Variants in KIF21A observed in about 807,000 individuals in gnomAD.
The protein encoded by KIF21A is kinesin family member 21A.
A neutral mutation model predicts 202.9 loss-of-function variants in KIF21A; 114 were observed. That is an observed-to-expected ratio of 0.56 (90% CI 0.48 to 0.66). KIF21A has a LOEUF of 0.66. KIF21A is among the 30% of genes least tolerant of loss of function. KIF21A has a pLI of 0.00. For missense variants in KIF21A, 1,677 were observed against 1,994.9 expected (o/e 0.84, Z 3.04); for synonymous variants, 667 against 670.8 (o/e 0.99, Z 0.09).
intron 1 of KIF21A, among the ~76,000 whole-genome samples, chr12:39,415,909 C>T (rs1334694573): frequency 5.3e-5 from 8 of 152,168 alleles, no homozygotes; most frequent in African/African-American, 1.9e-4. Flanking sequence ...GCATCACATC[C>T]TTTGACCACT....
intron 37 of KIF21A, among the ~76,000 whole-genome samples, chr12:39,301,215 A>G (rs1261408334): frequency 3.9e-5 from 6 of 152,224 alleles, no homozygotes; most frequent in Admixed American, 3.9e-4. Flanking sequence ...CTAAAAGTCA[A>G]AATCATCAAG....
chr12:39,331,049 A>G (rs1946463998), intron 22 of KIF21A, 138 bp from the exon 23 acceptor site: 3 of 810,484 alleles, frequency 3.7e-6, no homozygotes, highest in East Asian at 2.6e-5. Flanking sequence ...TCCTCCAGTA[A>G]CTGGCTTAGT....
intron 1 of KIF21A, among the ~76,000 whole-genome samples, chr12:39,373,935 T>C (rs532133914): frequency 1.3e-5 from 2 of 152,296 alleles, no homozygotes; most frequent in African/African-American, 4.8e-5. Context: ...GTGAAAACTT[T>C]TCCACTGGAT....
chr12:39,400,262 G>T (rs1394248814), intron 1 of KIF21A, among the ~76,000 whole-genome samples: 1 of 152,142 alleles, frequency 6.6e-6, no homozygotes, highest in Non-Finnish European at 1.5e-5. Context: ...ATACCAGAAG[G>T]GGAGAGTCTC....
At chr12:39,352,769 G>A (rs1948491483) in intron 10 of KIF21A, among the ~76,000 whole-genome samples, 1 of 152,074 alleles carries the variant, frequency 6.6e-6, no homozygotes, top group Non-Finnish European at 1.5e-5. Flanking sequence ...TTTGATAATT[G>A]AAAAAATTCT....
chr12:39,329,854 G>A (rs1946354209), intron 24 of KIF21A, among the ~76,000 whole-genome samples: 1 of 152,008 alleles, frequency 6.6e-6, no homozygotes, highest in Non-Finnish European at 1.5e-5. Context: ...GATATATACA[G>A]AAGAAAGTTA....
intron 34 of KIF21A, among the ~76,000 whole-genome samples, chr12:39,306,545 T>C (rs1227352652): frequency 6.6e-6 from 1 of 152,240 alleles, no homozygotes; most frequent in Non-Finnish European, 1.5e-5. Flanking sequence ...ATGCTTTAAA[T>C]GTTATAAATT....
chr12:39,356,940 C>T lies in KIF21A; in HGVS notation c.1406-45G>A, dbSNP rs1406676826. 11 of 922,164 alleles carry T rather than the reference C, an allele frequency of 1.2e-5. No individual in the cohort carries two copies. In the Admixed American group the frequency reaches 1.7e-4, roughly 14 times the overall value. 57.1% of individuals were successfully genotyped at this position (922,164 alleles called of 1,614,324 possible). A position where few individuals can be genotyped will look rare whatever the true frequency, so the allele number is the denominator to read the frequency against. On this transcript the variant is annotated intron_variant, in intron 9 of 37. Transcript: ENST00000361418. ...ATAAAAATTTTCCTTTAAATTAAGA[C>T]TTCAACAAAACAGGAGAAAAAAAAA... is the stretch of plus-strand genomic sequence containing the variant.
chr12:39,436,448 A>ATATATATTT (rs1387332677), intron 1 of KIF21A, among the ~76,000 whole-genome samples: 4 of 95,764 alleles, frequency 4.2e-5, no homozygotes, highest in African/African-American at 1.0e-4. Context: ...ATATATATAT[A>ATATATATTT]TTTTTTTTTT....
chr12:39,417,647 A>C (rs1592657444), intron 1 of KIF21A, among the ~76,000 whole-genome samples: 1 of 152,118 alleles, frequency 6.6e-6, no homozygotes, highest in Non-Finnish European at 1.5e-5. Context: ...TGGTCAGATC[A>C]CCCTGGAAAG....
chr12:39,337,492 C>G (rs1947081174), intron 16 of KIF21A: 1 of 352,414 alleles, frequency 2.8e-6, no homozygotes, highest in Non-Finnish European at 5.3e-6. Context: ...GCTGTGTGAC[C>G]TTGATCGAAT....
chr12:39,353,575 C>T (rs1330693906), intron 10 of KIF21A, among the ~76,000 whole-genome samples: 2 of 151,884 alleles, frequency 1.3e-5, no homozygotes, highest in African/African-American at 4.8e-5. Context: ...AGCCTAGGTA[C>T]CTAATAATGA....
intron 37 of KIF21A, among the ~76,000 whole-genome samples, chr12:39,298,962 T>C (rs1313051937): frequency 6.6e-6 from 1 of 152,202 alleles, no homozygotes; most frequent in Non-Finnish European, 1.5e-5. Flanking sequence ...GTTAGAACAA[T>C]GCCTCGCACA....
intron 10 of KIF21A, among the ~76,000 whole-genome samples, chr12:39,355,445 TAA>T (rs1948692720): frequency 6.6e-6 from 1 of 151,056 alleles, no homozygotes; most frequent in Non-Finnish European, 1.5e-5. Flanking sequence ...GCCAAAGAAA[TAA>T]AAGAGAAAAG....
At chr12:39,305,140 C>T (rs537238237) in intron 34 of KIF21A, among the ~76,000 whole-genome samples, 4 of 151,592 alleles carry the variant, frequency 2.6e-5, no homozygotes, top group Non-Finnish European at 4.4e-5. Context: ...CCGAGGTGGA[C>T]GTATCACCTG....
chr12:39,416,456 T>C (rs1377953453), intron 1 of KIF21A, among the ~76,000 whole-genome samples: 1 of 151,182 alleles, frequency 6.6e-6, no homozygotes, highest in Non-Finnish European at 1.5e-5. Context: ...ATTAGCCAGG[T>C]GTGGTGGCAG....
At chr12:39,318,443 GTA>G in intron 28 of KIF21A, among the ~76,000 whole-genome samples, 1 of 152,226 alleles carries the variant, frequency 6.6e-6, no homozygotes, top group Admixed American at 6.5e-5. Context: ...TCAGAAGTCA[GTA>G]TAAGAATAAA....
At chr12:39,355,470 A>C (rs538398801) in intron 10 of KIF21A, among the ~76,000 whole-genome samples, 1 of 151,976 alleles carries the variant, frequency 6.6e-6, no homozygotes, top group Admixed American at 6.6e-5. Flanking sequence ...ACGCAGCCTA[A>C]GAGCAGAAAG....
chr12:39,371,716 G>A (rs1316198875), intron 1 of KIF21A, among the ~76,000 whole-genome samples: 1 of 152,142 alleles, frequency 6.6e-6, no homozygotes, highest in Non-Finnish European at 1.5e-5. Flanking sequence ...AATAGCTTGA[G>A]GTCAGGAGTT....
Sources: allele counts gnomAD v4.1 joint callset (sites outside exome capture counted in the v4.1 genomes callset), GRCh38; gene constraint gnomAD v4.1.1; transcripts MANE v1.5; gene names NCBI Gene and HGNC (gene_info 2026-07-23, HGNC 2026-07-21).